The following SYN3 variants were observed in gnomAD, a reference collection of about 807,000 sequenced individuals.
SYN3 encodes synapsin-3.
In SYN3, 35 loss-of-function variants were observed where a neutral mutation model predicts 65.8. The ratio of observed to expected loss-of-function variants is 0.53; its 90% CI spans 0.41 to 0.70. SYN3 has a LOEUF of 0.70. SYN3 is among the 30% of genes least tolerant of loss of function. The pLI is 0.00. For missense variants in SYN3, 680 were observed against 749.0 expected (o/e 0.91, Z 1.08); for synonymous variants, 270 against 292.9 (o/e 0.92, Z 0.80).
intron 8 of SYN3, among the ~76,000 whole-genome samples, chr22:32,539,396 T>G (rs1283422465): frequency 6.6e-6 from 1 of 152,162 alleles, no homozygotes. Flanking sequence ...CAGGAAAGGC[T>G]AAAATGAACG....
At chr22:32,611,433 A>G (rs960712583) in intron 6 of SYN3, among the ~76,000 whole-genome samples, 1 of 151,860 alleles carries the variant, frequency 6.6e-6, no homozygotes, top group African/African-American at 2.4e-5. Flanking sequence ...AGCTGGGATT[A>G]CAGTCACGCA....
At chr22:32,707,352 C>T (rs921851899) in intron 6 of SYN3, among the ~76,000 whole-genome samples, 4 of 152,166 alleles carry the variant, frequency 2.6e-5, no homozygotes, top group Admixed American at 6.5e-5. Context: ...ATGGAGGAAA[C>T]GTCAGTCATC....
chr22:32,525,785 G>A lies in SYN3; in HGVS notation c.1318+2133C>T, dbSNP rs145467394. On this transcript the variant is annotated intron_variant, in intron 12 of 13. Transcript: ENST00000358763. ...TTTAGAATATTACGTAAACTTAGTT[G>A]ATAAAGCAGCAGCAGGTTTTGCGAG... Among the ~76,000 whole-genome samples, 38 of 152,152 alleles carry A rather than the reference G, an allele frequency of 2.5e-4. No homozygotes were observed. In the East Asian group the frequency reaches 6.6e-3, roughly 26 times the overall value.
At chr22:32,695,853 A>G (rs1447540688) in intron 6 of SYN3, among the ~76,000 whole-genome samples, 1 of 152,004 alleles carries the variant, frequency 6.6e-6, no homozygotes, top group Non-Finnish European at 1.5e-5. Flanking sequence ...TTTTTCTCCA[A>G]TAAATGATTA....
intron 6 of SYN3, among the ~76,000 whole-genome samples, chr22:32,623,518 T>C (rs1240041460): frequency 6.6e-6 from 1 of 152,214 alleles, no homozygotes; most frequent in Admixed American, 6.5e-5. Context: ...ATATGTATTG[T>C]GCACTTCCAG....
intron 6 of SYN3, among the ~76,000 whole-genome samples, chr22:32,758,411 G>C (rs893395183): frequency 6.6e-6 from 1 of 151,568 alleles, no homozygotes; most frequent in African/African-American, 2.4e-5. Context: ...TGAGTCACTG[G>C]GCTGGGGAAG....
At chr22:32,992,975 C>T (rs1684634636) in intron 2 of SYN3, among the ~76,000 whole-genome samples, 1 of 152,156 alleles carries the variant, frequency 6.6e-6, no homozygotes, top group Admixed American at 6.5e-5. Context: ...TGGAAGCAAG[C>T]CTTCTTTTTG....
intron 6 of SYN3, among the ~76,000 whole-genome samples, chr22:32,701,020 T>C (rs1449545514): frequency 6.6e-6 from 1 of 152,244 alleles, no homozygotes; most frequent in African/African-American, 2.4e-5. Flanking sequence ...CTATAAATTC[T>C]AAACATATTT....
intron 4 of SYN3, among the ~76,000 whole-genome samples, chr22:32,914,871 G>C (rs1197886318): frequency 1.3e-5 from 2 of 152,142 alleles, no homozygotes; most frequent in Non-Finnish European, 2.9e-5. Flanking sequence ...ATTTCTAAAA[G>C]AGTAAATTTG....
At chr22:33,028,491 A>T (rs1347280007) in intron 1 of SYN3, among the ~76,000 whole-genome samples, 1 of 152,232 alleles carries the variant, frequency 6.6e-6, no homozygotes, top group Non-Finnish European at 1.5e-5. Flanking sequence ...CAAAAGGCAG[A>T]TCATCTTTCC....
chr22:33,008,924 CAA>C (rs201719238), intron 1 of SYN3, among the ~76,000 whole-genome samples: 3 of 57,056 alleles, frequency 5.3e-5, no homozygotes, highest in Non-Finnish European at 9.7e-5. Context: ...GACTTTATCT[CAA>C]AAAAAAAAAA....
chr22:32,575,902 A>C (rs1002632169), intron 7 of SYN3, among the ~76,000 whole-genome samples: 12 of 152,194 alleles, frequency 7.9e-5, no homozygotes, highest in African/African-American at 2.2e-4. Flanking sequence ...ACAAAAAAAA[A>C]CAAACCTATT....
intron 2 of SYN3, among the ~76,000 whole-genome samples, chr22:32,986,529 A>T (rs948055405): frequency 6.6e-6 from 1 of 152,166 alleles, no homozygotes; most frequent in African/African-American, 2.4e-5. Flanking sequence ...GATGGGCCAC[A>T]CAGACTGCTG....
At chr22:32,519,327 G>A (rs1412743980) in intron 12 of SYN3, 3 of 150,748 alleles carry the variant, frequency 2.0e-5, no homozygotes, top group Non-Finnish European at 3.0e-5. Flanking sequence ...TTTTTCTCAC[G>A]GGTATTTTCC....
At chr22:32,937,092 G>A (rs555699642) in intron 3 of SYN3, among the ~76,000 whole-genome samples, 5 of 152,268 alleles carry the variant, frequency 3.3e-5, no homozygotes, top group African/African-American at 7.2e-5. Context: ...CACAAATTAC[G>A]AGGAATGCAA....
chr22:32,965,536 G>A (rs1052672993), intron 3 of SYN3, among the ~76,000 whole-genome samples: 2 of 115,882 alleles, frequency 1.7e-5, no homozygotes, highest in African/African-American at 6.3e-5. Context: ...TGTAATTATG[G>A]TGCGTACGTG....
chr22:32,711,610 C>A (rs949509606), intron 6 of SYN3, among the ~76,000 whole-genome samples: 3 of 152,148 alleles, frequency 2.0e-5, no homozygotes, highest in South Asian at 2.1e-4. Flanking sequence ...TTCCTGTGCA[C>A]CTGTACTCAA....
At chr22:32,707,945 G>C (rs147353680) in intron 6 of SYN3, among the ~76,000 whole-genome samples, 236 of 152,288 alleles carry the variant, frequency 1.5e-3, no homozygotes, top group Non-Finnish European at 2.6e-3. Flanking sequence ...GGGAATTTTT[G>C]GGAAAACACT....
chr22:32,924,420 A>G (rs1157313959), intron 4 of SYN3, among the ~76,000 whole-genome samples: 1 of 152,196 alleles, frequency 6.6e-6, no homozygotes, highest in Non-Finnish European at 1.5e-5. Context: ...TGGGTCCCTG[A>G]ACCCAGGCCT....
Sources: allele counts gnomAD v4.1 joint callset (sites outside exome capture counted in the v4.1 genomes callset), GRCh38; gene constraint gnomAD v4.1.1; transcripts MANE v1.5; gene names NCBI Gene and HGNC (gene_info 2026-07-23, HGNC 2026-07-21).